Variants in ABHD18 observed in about 807,000 individuals in gnomAD.
ABHD18 encodes abhydrolase domain containing 18.
A neutral mutation model predicts 65.9 loss-of-function variants in ABHD18; 55 were observed. The ratio of observed to expected loss-of-function variants is 0.84; its 90% CI spans 0.67 to 1.05. The LOEUF is 1.05. Ranked by LOEUF, ABHD18 falls within the 50% of genes least tolerant of loss-of-function variation. The pLI is 0.00. For missense variants in ABHD18, 533 were observed against 558.5 expected, an observed-to-expected ratio of 0.95 and a Z score of 0.46; for synonymous variants, 181 against 180.2, an observed-to-expected ratio of 1.00 and a Z score of -0.04.
chr4:127,967,617 C>G (rs978489700), intron 1 of ABHD18, among the ~76,000 whole-genome samples: 23 of 151,616 alleles, frequency 1.5e-4, no homozygotes, highest in Non-Finnish European at 4.4e-5. Context: ...ATTGGTGCCT[C>G]CAAGTGATGA....
At chr4:127,966,799 C>T (rs1745620068) in intron 1 of ABHD18, among the ~76,000 whole-genome samples, 1 of 143,802 alleles carries the variant, frequency 7.0e-6, no homozygotes, top group Non-Finnish European at 1.5e-5. Flanking sequence ...GCAGGAGAAT[C>T]CCTTGAACCC....
Position 128,008,968 on chromosome 4 carries a change from A to G in ABHD18, c.327A>G (p.Val109=), listed in dbSNP as rs755626067. The change falls in exon 5 of 13, where the codon GTA becomes GTG. Residue 109 remains valine (V), a synonymous_variant. Transcript: ENST00000645843. ...AATGGAACAGCAAATATAGACCTGT[A>G]TGCATTCATCTTGCTGGAACAGGAG... ...PKEWNSKYRP[V]CIHLAGTGDH... The G allele has an allele frequency of 6.2e-7, 1 of 1,610,920 alleles. No homozygotes were observed. The highest frequency in any genetic ancestry group is 8.5e-7 in the Non-Finnish European group (1 of 1,179,002).
intron 12 of ABHD18, chr4:128,031,206 G>GTGCTGGGATTA: frequency 1.1e-6 from 1 of 909,378 alleles, no homozygotes; most frequent in Non-Finnish European, 1.3e-6. Flanking sequence ...TGTAATCCCA[G>GTGCTGGGATTA]CACTTTGGGA....
chr4:127,980,736 A>C (rs1748876670), intron 1 of ABHD18, among the ~76,000 whole-genome samples: 1 of 151,330 alleles, frequency 6.6e-6, no homozygotes, highest in Non-Finnish European at 1.5e-5. Flanking sequence ...GAGACAGGAG[A>C]ATTGCTTGAA....
Position 127,984,362 on chromosome 4 carries a change from T to C in ABHD18, c.116T>C (p.Ile39Thr). The C allele has an allele frequency of 3.2e-6, 5 of 1,550,488 alleles. No individual in the cohort carries two copies. Among genetic ancestry groups the C allele is most frequent in the Non-Finnish European group, 4.4e-6 (5 of 1,145,760 alleles). Residue 39 changes from isoleucine (I) to threonine (T), a missense_variant, in exon 3 of 13, where the codon ATT becomes ACT. Ile to Thr is a moderately conservative substitution (Grantham distance 89). This residue lies in a region of ABHD18 where 309 missense variants were observed against 313.5 expected (regional missense o/e 0.99). Coordinates refer to ENST00000645843, the MANE Select transcript of ABHD18 (RefSeq NM_001358451.3). Reference protein sequence around the residue: ...LKRLFEFRKMIGNRERCQNLV... With the variant: ...LKRLFEFRKMTGNRERCQNLV... ...AGACTCTTTGAATTCAGAAAGATGA[T>C]TGGAAATCGGGAAAGATGCCAGAAT...
chr4:127,976,241 T>G (rs77689356), intron 1 of ABHD18, among the ~76,000 whole-genome samples: 5,371 of 152,274 alleles, frequency 0.035, 318 homozygotes, highest in African/African-American at 0.12. Context: ...TGGCCTATTG[T>G]TCAACCTGCC....
chr4:128,009,986 CATTTATTTCTCTACCTGTGTTAT>C (rs1754261767), intron 6 of ABHD18, among the ~76,000 whole-genome samples: 1 of 152,002 alleles, frequency 6.6e-6, no homozygotes, highest in Admixed American at 6.6e-5. Flanking sequence ...GGTTGTATTC[CATTTATTTCTCTACCTGTGTTAT>C]ATTTATTTCT....
At chr4:128,017,062 C>T (rs1033056184) in intron 7 of ABHD18, among the ~76,000 whole-genome samples, 1 of 152,056 alleles carries the variant, frequency 6.6e-6, no homozygotes, top group Non-Finnish European at 1.5e-5. Flanking sequence ...AGATCACAGG[C>T]ATGCGCCACC....
chr4:128,008,839 TA>T, intron 4 of ABHD18, 80 bp from the exon 5 acceptor site: 1 of 919,862 alleles, frequency 1.1e-6, no homozygotes, highest in East Asian at 2.8e-5. Flanking sequence ...AATTTAAATG[TA>T]AAAGTTTTAA....
intron 4 of ABHD18, among the ~76,000 whole-genome samples, chr4:127,993,931 C>A (rs1751329756): frequency 6.6e-6 from 1 of 152,256 alleles, no homozygotes; most frequent in Non-Finnish European, 1.5e-5. Flanking sequence ...AACTTTTGAT[C>A]ATATTGCCAA....
intron 10 of ABHD18, among the ~76,000 whole-genome samples, chr4:128,024,954 A>T (rs1757122420): frequency 6.6e-6 from 1 of 152,100 alleles, no homozygotes; most frequent in Non-Finnish European, 1.5e-5. Flanking sequence ...GGCCTTCCAA[A>T]GTGCTGGTAT....
In ABHD18 at chr4:127,994,942, C is replaced by T. The variant is rs539894300; in HGVS notation, c.278+5121C>T. ...TTGCCCAGGCTGGAGTGCAGTGGCG[C>T]GATCTTGGCTTACTGCAACCTCTGC... On this transcript the variant is annotated intron_variant, in intron 4 of 12. Transcript: ENST00000645843. Among the ~76,000 whole-genome samples, 261 of 152,188 alleles carry T rather than the reference C, an allele frequency of 1.7e-3. 1 individual carries two copies. Among genetic ancestry groups the T allele is most frequent in the African/African-American group, 5.7e-3 (235 of 41,512 alleles).
intron 10 of ABHD18, among the ~76,000 whole-genome samples, chr4:128,026,052 G>T (rs1757302333): frequency 6.6e-6 from 1 of 152,130 alleles, no homozygotes; most frequent in Non-Finnish European, 1.5e-5. Flanking sequence ...AGTTTGAGAG[G>T]CCAAGGCTGG....
intron 12 of ABHD18, chr4:128,030,914 C>T: frequency 8.5e-7 from 1 of 1,179,314 alleles, no homozygotes; most frequent in Non-Finnish European, 1.0e-6. Flanking sequence ...TGTGGCTTTC[C>T]CCTCTTCAAA....
intron 10 of ABHD18, among the ~76,000 whole-genome samples, chr4:128,023,251 C>A (rs1756803880): frequency 6.6e-6 from 1 of 151,580 alleles, no homozygotes; most frequent in African/African-American, 2.4e-5. Context: ...TGATTGCTTG[C>A]CTAAGAACTT....
chr4:128,011,114 T>C (rs1369353004), intron 6 of ABHD18, among the ~76,000 whole-genome samples: 1 of 151,974 alleles, frequency 6.6e-6, no homozygotes, highest in Non-Finnish European at 1.5e-5. Context: ...AAAACATTAA[T>C]AAGTATACTT....
chr4:127,992,292 T>G (rs573838215), intron 4 of ABHD18, among the ~76,000 whole-genome samples: 85 of 151,948 alleles, frequency 5.6e-4, no homozygotes, highest in Non-Finnish European at 8.2e-4. Flanking sequence ...GCCAACATAG[T>G]GAAACCCCGT....
intron 12 of ABHD18, chr4:128,031,031 T>C (rs984645685): frequency 2.4e-5 from 24 of 1,012,214 alleles, no homozygotes; most frequent in Non-Finnish European, 2.8e-5. Context: ...TTTTTCAGAA[T>C]GGCCTGAACA....
intron 10 of ABHD18, among the ~76,000 whole-genome samples, chr4:128,024,950 C>T (rs1177315652): frequency 1.3e-5 from 2 of 152,088 alleles, no homozygotes; most frequent in Non-Finnish European, 2.9e-5. Context: ...CCTCGGCCTT[C>T]CAAAGTGCTG....
Sources: allele counts gnomAD v4.1 joint callset (sites outside exome capture counted in the v4.1 genomes callset), GRCh38; gene constraint gnomAD v4.1.1; regional missense constraint gnomAD v4.1.1; transcripts MANE v1.5; gene names NCBI Gene and HGNC (gene_info 2026-07-23, HGNC 2026-07-21).